Variants in PBRM1 observed in about 807,000 individuals in gnomAD.
PBRM1 encodes the protein protein polybromo-1.
A neutral mutation model predicts 194.5 loss-of-function variants in PBRM1; 27 were observed. The observed-to-expected ratio is 0.14, with a 90% CI of 0.10 to 0.19. The LOEUF (loss-of-function observed/expected upper bound fraction) is 0.19. Among genes scored for constraint, PBRM1 ranks in the 10% least tolerant of loss-of-function variants. PBRM1 has a pLI of 1.00. For missense variants in PBRM1, 1,466 were observed against 2,077.2 expected, an observed-to-expected ratio of 0.71 and a Z score of 5.72; for synonymous variants, 655 against 693.2, an observed-to-expected ratio of 0.94 and a Z score of 0.87.
chr3:52,606,236 T>C (rs1016948258), intron 16 of PBRM1, among the ~76,000 whole-genome samples: 11 of 152,062 alleles, frequency 7.2e-5, no homozygotes, highest in Admixed American at 2.0e-4. Context: ...CTCAAGCTCC[T>C]GAGTGCAAGC....
At chr3:52,598,182 T>C (rs2093712148) in intron 17 of PBRM1, among the ~76,000 whole-genome samples, 1 of 152,242 alleles carries the variant, frequency 6.6e-6, no homozygotes, top group Non-Finnish European at 1.5e-5. Flanking sequence ...TTTTTAATAA[T>C]TGTAGTAAAA....
chr3:52,592,410 G>A (rs913148671), intron 17 of PBRM1, among the ~76,000 whole-genome samples: 1 of 152,154 alleles, frequency 6.6e-6, no homozygotes, highest in African/African-American at 2.4e-5. Flanking sequence ...GGGATTACAG[G>A]CATGAGCCAC....
chr3:52,685,867 C>T (rs1362819961), upstream of PBRM1: 1 of 528,948 alleles, frequency 1.9e-6, no homozygotes, highest in African/African-American at 2.0e-5. Context: ...CGCTTCGGCA[C>T]CCGCCGCCCT....
At position 52,670,796 on chromosome 3, in the gene PBRM1, G is replaced by A. The variant is rs182139439; in HGVS notation, c.237-2151C>T. On this transcript the variant is annotated intron_variant, in intron 2 of 29. Transcript: ENST00000296302. ...TGCTTGAGCCCAGGAGGTCAAGGCT[G>A]TAGTGTGCAAAGATGGTGCTGGTGA... is the stretch of plus-strand genomic sequence containing the variant. Among the ~76,000 whole-genome samples the A allele has an allele frequency of 8.5e-4, 130 of 152,350 alleles. 1 individual carries two copies. The highest frequency in any genetic ancestry group is 1.2e-3 in the Non-Finnish European group (85 of 68,032).
At chr3:52,581,070 C>T (rs1282026519) in intron 20 of PBRM1, among the ~76,000 whole-genome samples, 1 of 152,204 alleles carries the variant, frequency 6.6e-6, no homozygotes, top group Non-Finnish European at 1.5e-5. Context: ...ACTCCAAAGC[C>T]TCCAAGTTTT....
intron 10 of PBRM1, among the ~76,000 whole-genome samples, chr3:52,635,385 G>A (rs2095770132): frequency 6.6e-6 from 1 of 152,040 alleles, no homozygotes; most frequent in Non-Finnish European, 1.5e-5. Flanking sequence ...GGCCAACATG[G>A]TGAAACCCCG....
intron 3 of PBRM1, among the ~76,000 whole-genome samples, chr3:52,667,367 G>C (rs1427420725): frequency 6.6e-6 from 1 of 152,010 alleles, no homozygotes; most frequent in Admixed American, 6.6e-5. Context: ...CACACAGTGG[G>C]AGAAGATATT....
intron 11 of PBRM1, among the ~76,000 whole-genome samples, chr3:52,630,241 C>T (rs1207052452): frequency 1.3e-5 from 2 of 150,844 alleles, no homozygotes; most frequent in African/African-American, 5.0e-5. Context: ...GGGACAAATC[C>T]CAGTACAGCA....
At chr3:52,584,706 C>T (rs576063342) in intron 20 of PBRM1, among the ~76,000 whole-genome samples, 3 of 151,966 alleles carry the variant, frequency 2.0e-5, no homozygotes, top group Non-Finnish European at 4.4e-5. Context: ...TCCACCTGCC[C>T]TGGCCTCCCA....
exon 10 of PBRM1, chr3:52,641,986 C>T (rs1407715900): frequency 6.2e-7 from 1 of 1,607,734 alleles, no homozygotes; most frequent in Non-Finnish European, 8.5e-7. Flanking sequence ...ACTTTCTGAG[C>T]CATATTGAAG....
At chr3:52,644,114 T>C (rs1405911153) in intron 8 of PBRM1, among the ~76,000 whole-genome samples, 4 of 151,704 alleles carry the variant, frequency 2.6e-5, no homozygotes, top group African/African-American at 7.3e-5. Context: ...CTATTCTGTG[T>C]AATATTAATA....
chr3:52,614,932 T>C (rs1052130968), intron 15 of PBRM1, among the ~76,000 whole-genome samples: 1 of 152,088 alleles, frequency 6.6e-6, no homozygotes, highest in East Asian at 1.9e-4. Flanking sequence ...TAGCTGAGTA[T>C]AGTACAGTGG....
In PBRM1 at chr3:52,633,190, A is replaced by AT. The variant is rs923849288; in HGVS notation, c.1301+1411dup. ...CAACTACTATTCTATTTTGTCTCTG[A>AT]TTTTTTTTTTTAATGTTCTGGATCA... On this transcript the variant is annotated intron_variant, in intron 11 of 29. Coordinates refer to ENST00000296302, the Ensembl canonical transcript of PBRM1. 2.0e-4 allele frequency among the ~76,000 whole-genome samples: 29 copies of AT among 146,172 alleles called. 1 individual carries two copies. The highest frequency in any genetic ancestry group is 8.6e-4 in the South Asian group (4 of 4,628).
In PBRM1 at chr3:52,573,154, G is replaced by A. The variant is rs138999996; in HGVS notation, c.3691+3387C>T. 3.3e-3 allele frequency among the ~76,000 whole-genome samples: 496 copies of A among 152,296 alleles called. 3 individuals are homozygous for A. The highest frequency in any genetic ancestry group is 0.011 in the African/African-American group (464 of 41,570). Reference sequence around the variant, plus strand: ...TAGGAAAACCTAGGTTTTAGTTCTGGCCCACTCCCTGGGTAGTAACTTCAC... The same window carrying A: ...TAGGAAAACCTAGGTTTTAGTTCTGACCCACTCCCTGGGTAGTAACTTCAC... On this transcript the variant is annotated intron_variant, in intron 22 of 29. Transcript: ENST00000296302.
chr3:52,594,943 T>A (rs915095290), intron 17 of PBRM1, among the ~76,000 whole-genome samples: 2 of 152,206 alleles, frequency 1.3e-5, no homozygotes, highest in African/African-American at 4.8e-5. Flanking sequence ...AGGTGCACAG[T>A]CAGTCTTCTG....
At chr3:52,623,373 C>T (rs1433430507) in intron 13 of PBRM1, among the ~76,000 whole-genome samples, 1 of 152,208 alleles carries the variant, frequency 6.6e-6, no homozygotes, top group Non-Finnish European at 1.5e-5. Context: ...TTTAAGGTGT[C>T]CCAGCATTTA....
chr3:52,598,781 G>A (rs1234430739), intron 17 of PBRM1, among the ~76,000 whole-genome samples: 1 of 152,162 alleles, frequency 6.6e-6, no homozygotes, highest in Admixed American at 6.5e-5. Context: ...AGCACTTTGG[G>A]AGGCGGAAGC....
chr3:52,684,142 T>G (rs1378060209), upstream of PBRM1, among the ~76,000 whole-genome samples: 1 of 115,910 alleles, frequency 8.6e-6, no homozygotes, highest in African/African-American at 3.4e-5. Context: ...AACTCCAGCC[T>G]GGGCAACAAA....
chr3:52,617,281 T>A, exon 14 of PBRM1: 3 of 1,613,966 alleles, frequency 1.9e-6, no homozygotes, highest in Non-Finnish European at 2.5e-6. Context: ...CTCCTCATTA[T>A]AGTGCCTGGC....
Sources: gnomAD v4.1 joint callset for allele counts (sites outside exome capture counted in the v4.1 genomes callset) on GRCh38, gnomAD v4.1.1 for gene constraint, MANE v1.5 for transcripts, NCBI Gene and HGNC (gene_info 2026-07-23, HGNC 2026-07-21) for gene names.